Variants in CTNNA3 observed in about 807,000 individuals in gnomAD.
The protein encoded by CTNNA3 is catenin alpha-3.
A neutral mutation model predicts 95.7 loss-of-function variants in CTNNA3; 76 were observed. That is an observed-to-expected ratio of 0.79 (90% CI 0.66 to 0.96). The LOEUF (loss-of-function observed/expected upper bound fraction) is 0.96, where lower values mean the gene tolerates loss of function less well. CTNNA3 is among the 40% of genes least tolerant of loss of function. CTNNA3 has a pLI of 0.00. For synonymous variants in CTNNA3, 431 were observed against 374.4 expected (o/e 1.15, Z -1.74); for missense variants, 1,191 against 1,089.8 (o/e 1.09, Z -1.31).
chr10:66,047,190 A>G (rs577932334), intron 15 of CTNNA3, among the ~76,000 whole-genome samples: 36 of 152,326 alleles, frequency 2.4e-4, no homozygotes, highest in African/African-American at 8.2e-4. Flanking sequence ...AGAAAACTTC[A>G]GGCCAATGTC....
upstream of CTNNA3, among the ~76,000 whole-genome samples, chr10:67,698,326 G>A (rs926804539): frequency 2.0e-5 from 3 of 150,588 alleles, no homozygotes; most frequent in Non-Finnish European, 4.4e-5. Flanking sequence ...AAGTTTTTTC[G>A]TTCTGGGCAT....
chr10:66,295,561 TA>T (rs1184600235), intron 12 of CTNNA3, among the ~76,000 whole-genome samples: 2 of 152,082 alleles, frequency 1.3e-5, no homozygotes, highest in African/African-American at 2.4e-5. Flanking sequence ...TTACTTGCAA[TA>T]AGGTAGTGTC....
chr10:67,549,576 T>G (rs575431012), intron 3 of CTNNA3, among the ~76,000 whole-genome samples: 31 of 152,338 alleles, frequency 2.0e-4, no homozygotes, highest in Non-Finnish European at 4.1e-4. Context: ...AGAGGTCAAA[T>G]ATTTTTGAAA....
chr10:66,857,405 C>G (rs1262261500), intron 7 of CTNNA3, among the ~76,000 whole-genome samples: 1 of 149,218 alleles, frequency 6.7e-6, no homozygotes, highest in African/African-American at 2.5e-5. Flanking sequence ...TTTTTTTGTT[C>G]CACATGAACT....
At chr10:67,523,766 A>G (rs1283599767) in intron 4 of CTNNA3, among the ~76,000 whole-genome samples, 1 of 152,178 alleles carries the variant, frequency 6.6e-6, no homozygotes, top group Non-Finnish European at 1.5e-5. Context: ...ACAATAAACA[A>G]GTTCCTTTCA....
In CTNNA3 at chr10:66,379,290, T is replaced by C. The variant is rs1465548074; in HGVS notation, c.1594A>G (p.Asn532Asp). 17 of 1,614,046 alleles carry C rather than the reference T, an allele frequency of 1.1e-5. No individual in the cohort carries two copies. The highest frequency in any genetic ancestry group is 1.3e-5 in the Non-Finnish European group (15 of 1,180,014). Residue 532 changes from asparagine to aspartate, a missense_variant, in exon 12 of 18, where the codon AAT becomes GAT. By Grantham distance (23) the Asn-to-Asp change is conservative. Transcript: ENST00000433211. ...ATAGCACCCGCAGCACGGTCTAAAT[T>C]ATCAGCATCCTGGTCTCTTAAGGCT... ...IIALRDQDAD[N>D]LDRAAGAIRG...
At position 66,470,661 on chromosome 10, in the gene CTNNA3, G is replaced by A. The variant is rs184736696; in HGVS notation, c.1531+49956C>T. Among the ~76,000 whole-genome samples the A allele has an allele frequency of 5.9e-3, 897 of 151,878 alleles. 10 individuals are homozygous for A. The highest frequency in any genetic ancestry group is 0.021 in the African/African-American group (854 of 41,468). On this transcript the variant is annotated intron_variant, in intron 11 of 17. Transcript: ENST00000433211. Reference sequence around the variant, plus strand: ...GAATATATTAGAGTTGGACAAGCCAGCAAAAGAGACAGATAAGTAGGTAGA... The same window carrying A: ...GAATATATTAGAGTTGGACAAGCCAACAAAAGAGACAGATAAGTAGGTAGA...
chr10:67,573,346 A>G (rs1265382507), intron 3 of CTNNA3, among the ~76,000 whole-genome samples: 2 of 152,150 alleles, frequency 1.3e-5, no homozygotes, highest in African/African-American at 4.8e-5. Flanking sequence ...CTGGACAGAA[A>G]AGGAAGCAAG....
intron 10 of CTNNA3, among the ~76,000 whole-genome samples, chr10:66,603,013 T>C (rs1179392918): frequency 6.6e-6 from 1 of 152,074 alleles, no homozygotes; most frequent in African/African-American, 2.4e-5. Flanking sequence ...CTCTAAGCCT[T>C]TTCACTAAGA....
Position 66,128,690 on chromosome 10 carries a change from A to G in CTNNA3, c.1885-25441T>C, listed in dbSNP as rs116433711. ...CACAGAAGGCTTTTAGGGCAGTTAA[A>G]CTACTTTCATTACATTATGATGGTG... On this transcript the variant is annotated intron_variant, in intron 13 of 17. Coordinates refer to ENST00000433211, the MANE Select transcript of CTNNA3 (RefSeq NM_013266.4). 6.5e-3 allele frequency among the ~76,000 whole-genome samples: 995 copies of G among 152,306 alleles called. 21 individuals are homozygous for G. The highest frequency in any genetic ancestry group is 0.022 in the African/African-American group (928 of 41,562).
rs866523637 is a variant in CTNNA3, at chr10:66,789,161, C to T, written c.1048-13637G>A. 1.2e-3 allele frequency among the ~76,000 whole-genome samples: 186 copies of T among 151,716 alleles called. 2 individuals carry two copies. Among genetic ancestry groups the T allele is most frequent in the Middle Eastern group, 0.01 (3 of 294 alleles). On this transcript the variant is annotated intron_variant, in intron 7 of 17. Transcript: ENST00000433211. Reference sequence around the variant, plus strand: ...TGCTCTATTTATCTGCTTACTAAACCTTTTTTTTGTTTATTTGTTTGTTTT... The same window carrying T: ...TGCTCTATTTATCTGCTTACTAAACTTTTTTTTTGTTTATTTGTTTGTTTT...
chr10:66,531,378 T>C (rs868535934), intron 10 of CTNNA3, among the ~76,000 whole-genome samples: 112 of 112,172 alleles, frequency 1.0e-3, no homozygotes, highest in African/African-American at 3.0e-3. Flanking sequence ...AATTAGATTA[T>C]GGTTTGTTCG....
At chr10:66,172,154 C>T (rs545689260) in intron 13 of CTNNA3, among the ~76,000 whole-genome samples, 1 of 152,206 alleles carries the variant, frequency 6.6e-6, no homozygotes, top group South Asian at 2.1e-4. Context: ...ATGTTATATG[C>T]TTCCTGAAAG....
chr10:67,521,179 T>C (rs533989471), intron 5 of CTNNA3, among the ~76,000 whole-genome samples: 3 of 152,312 alleles, frequency 2.0e-5, no homozygotes, highest in African/African-American at 7.2e-5. Context: ...AGTGAGCTAC[T>C]GTGGCAGTGT....
At chr10:66,332,090 G>C (rs1004568732) in intron 12 of CTNNA3, among the ~76,000 whole-genome samples, 78 of 152,004 alleles carry the variant, frequency 5.1e-4, no homozygotes, top group Non-Finnish European at 8.2e-4. Context: ...TTTGCGCATT[G>C]ATTTTGTATC....
intron 7 of CTNNA3, among the ~76,000 whole-genome samples, chr10:66,983,002 T>G (rs1003541385): frequency 6.6e-6 from 1 of 152,126 alleles, no homozygotes; most frequent in African/African-American, 2.4e-5. Flanking sequence ...CTAAAGGAAA[T>G]GCACTAATGA....
chr10:66,069,482 A>G lies in CTNNA3; in HGVS notation c.1985T>C (p.Met662Thr). The change falls in exon 15 of 18, where the codon ATG becomes ACG. Residue 662 changes from methionine to threonine, a missense_variant. Transcript: ENST00000433211. ...QTEGKTDRAK[M>T]TQLPEAEKEK... ...TTTTTCTGCCTCAGGCAGTTGAGTC[A>G]TCTTAGCCTAAAACATGTGATAATT... The G allele has an allele frequency of 1.2e-6, 2 of 1,609,004 alleles. No homozygotes were observed. The highest frequency in any genetic ancestry group is 1.7e-6 in the Non-Finnish European group (2 of 1,178,180).
intron 3 of CTNNA3, among the ~76,000 whole-genome samples, chr10:67,570,787 C>T (rs182241268): frequency 2.1e-4 from 32 of 152,290 alleles, no homozygotes; most frequent in Admixed American, 8.5e-4. Flanking sequence ...GGAGCACTGC[C>T]AGTCCTGGTT....
rs1247245575 is a variant in CTNNA3 at position 66,944,843 on chromosome 10, G to C, written c.1048-169319C>G. ...CATGTATATGTCCATCAGAGCTCTTGGGTGACCAGATGCATTATCAGTGAG... is the reference window on the plus strand; with the variant it reads ...CATGTATATGTCCATCAGAGCTCTTCGGTGACCAGATGCATTATCAGTGAG... On this transcript the variant is annotated intron_variant, in intron 7 of 17. Transcript: ENST00000433211. 6.6e-5 allele frequency among the ~76,000 whole-genome samples: 10 copies of C among 152,260 alleles called. No individual in the cohort carries two copies. In the South Asian group the frequency reaches 1.7e-3, roughly 25 times the overall value.
Sources: gnomAD v4.1 joint callset for allele counts (sites outside exome capture counted in the v4.1 genomes callset) on GRCh38, gnomAD v4.1.1 for gene constraint, MANE v1.5 for transcripts, NCBI Gene and HGNC (gene_info 2026-07-23, HGNC 2026-07-21) for gene names.